The following CSGALNACT1 variants were observed in gnomAD, a reference collection of about 807,000 sequenced individuals.
The protein encoded by CSGALNACT1 is chondroitin sulfate N-acetylgalactosaminyltransferase 1, also known as beta4GalNAcT-1.
A neutral mutation model predicts 51.0 loss-of-function variants in CSGALNACT1; 52 were observed. That is an observed-to-expected ratio of 1.02 (90% CI 0.82 to 1.29). The LOEUF (loss-of-function observed/expected upper bound fraction) is 1.29. Ranked by LOEUF, CSGALNACT1 falls within the 50% of genes most tolerant of loss-of-function variation. The pLI is 0.00. For synonymous variants in CSGALNACT1, 341 were observed against 254.4 expected, an observed-to-expected ratio of 1.34 and a Z score of -3.24; for missense variants, 935 against 679.2, an observed-to-expected ratio of 1.38 and a Z score of -4.19.
intron 1 of CSGALNACT1, among the ~76,000 whole-genome samples, chr8:19,639,526 C>A (rs2056497365): frequency 1.3e-5 from 2 of 152,126 alleles, no homozygotes; most frequent in African/African-American, 4.8e-5. Context: ...CTAGGGTACC[C>A]CCATCACTCT....
chr8:19,405,943 T>G, exon 10 of CSGALNACT1: 2 of 1,614,198 alleles, frequency 1.2e-6, no homozygotes, highest in Non-Finnish European at 1.7e-6. Context: ...CATGCAGCGC[T>G]TCTCATGCCA....
chr8:19,488,471 T>G (rs2073608707), intron 4 of CSGALNACT1, among the ~76,000 whole-genome samples: 1 of 149,524 alleles, frequency 6.7e-6, no homozygotes, highest in Non-Finnish European at 1.5e-5. Flanking sequence ...CAATGTTTAC[T>G]TTTATAATTT....
At chr8:19,566,470 T>C (rs1321455921) in intron 3 of CSGALNACT1, among the ~76,000 whole-genome samples, 1 of 152,142 alleles carries the variant, frequency 6.6e-6, no homozygotes, top group Non-Finnish European at 1.5e-5. Flanking sequence ...TTATGGTCAT[T>C]TGTCACAGCA....
intron 3 of CSGALNACT1, among the ~76,000 whole-genome samples, chr8:19,558,148 T>C (rs2039885787): frequency 1.3e-5 from 2 of 152,206 alleles, no homozygotes; most frequent in Non-Finnish European, 2.9e-5. Context: ...CACCACAGAA[T>C]GTTGTGAAGC....
intron 3 of CSGALNACT1, among the ~76,000 whole-genome samples, chr8:19,572,624 C>A (rs1354459677): frequency 6.6e-6 from 1 of 152,196 alleles, no homozygotes; most frequent in Non-Finnish European, 1.5e-5. Context: ...CAAACTAATT[C>A]TATCTACCCA....
At chr8:19,744,464 G>T (rs189783683) in intron 1 of CSGALNACT1, among the ~76,000 whole-genome samples, 2 of 152,088 alleles carry the variant, frequency 1.3e-5, no homozygotes, top group East Asian at 3.8e-4. Flanking sequence ...CCTTATAATC[G>T]TTTCAGCTAG....
At chr8:19,755,456 C>CAAAAAAAAAAGAAAAAAAAAAAAAAAAAA (rs2065300449) in intron 1 of CSGALNACT1, among the ~76,000 whole-genome samples, 1 of 74,530 alleles carries the variant, frequency 1.3e-5, no homozygotes, top group Non-Finnish European at 2.5e-5. Context: ...TAAAGAAAGA[C>CAAAAAAAAAAGAAAAAAAAAAAAAAAAAA]AAAAAAAAAA....
rs982322945 is a variant in CSGALNACT1, at chr8:19,541,426, G to A, written c.-296-35296C>T. The stretch of plus-strand genomic sequence containing the variant: ...CCACCACACCCGGCTAATTTTTTTT[G>A]TATTTTTAGTAGAGATGGGGTTTCA... On this transcript the variant is annotated intron_variant, in intron 3 of 9. Coordinates refer to ENST00000454498, the Ensembl canonical transcript of CSGALNACT1. Among the ~76,000 whole-genome samples the A allele has an allele frequency of 1.7e-4, 26 of 150,884 alleles. No homozygotes were observed. The South Asian group carries it at 5.5e-3, about 32-fold the overall frequency.
chr8:19,616,794 A>C (rs2053084998), intron 1 of CSGALNACT1, among the ~76,000 whole-genome samples: 1 of 152,186 alleles, frequency 6.6e-6, no homozygotes, highest in Non-Finnish European at 1.5e-5. Context: ...AGCAGAGGCC[A>C]GTGCCATCCA....
intron 3 of CSGALNACT1, among the ~76,000 whole-genome samples, chr8:19,535,844 A>G (rs1033067120): frequency 2.0e-5 from 3 of 152,306 alleles, no homozygotes; most frequent in East Asian, 1.9e-4. Flanking sequence ...TGGATAAGGA[A>G]TATCTACAAT....
chr8:19,740,441 G>A (rs11989937), intron 1 of CSGALNACT1, among the ~76,000 whole-genome samples: 10,159 of 152,250 alleles, frequency 0.067, 1,125 homozygotes, highest in African/African-American at 0.23. Flanking sequence ...GGACAGTGAC[G>A]GGCGCACAGC....
chr8:19,561,072 T>C (rs1321261746), intron 3 of CSGALNACT1, among the ~76,000 whole-genome samples: 1 of 152,154 alleles, frequency 6.6e-6, no homozygotes, highest in Non-Finnish European at 1.5e-5. Context: ...TTATATATAA[T>C]TCAGTGATAA....
At chr8:19,515,863 G>A (rs1283322543) in intron 3 of CSGALNACT1, among the ~76,000 whole-genome samples, 1 of 152,180 alleles carries the variant, frequency 6.6e-6, no homozygotes, top group African/African-American at 2.4e-5. Context: ...GCAGGTAGTT[G>A]GCATGGGTGG....
At chr8:19,465,166 A>G (rs973355248) in intron 4 of CSGALNACT1, among the ~76,000 whole-genome samples, 2 of 152,200 alleles carry the variant, frequency 1.3e-5, no homozygotes, top group Non-Finnish European at 2.9e-5. Flanking sequence ...TTCTGCCTTA[A>G]CAAGCATGGA....
chr8:19,755,456 C>CAAAAAAAAAAAAAAAAAAAAAAAAAAAA lies in CSGALNACT1; in HGVS notation c.-297+2393_-297+2394insTTTTTTTTTTTTTTTTTTTTTTTTTTTT, dbSNP rs71205945. On this transcript the variant is annotated intron_variant, in intron 1 of 1. Transcript: ENST00000517494. ...GGGGATCCCTAAATGTAAAGAAAGACAAAAAAAAAAAAAAAAAAAAAAAAA... is the reference window on the plus strand; with the variant it reads ...GGGGATCCCTAAATGTAAAGAAAGACAAAAAAAAAAAAAAAAAAAAAAAAAAAAAAAAAAAAAAAAAAAAAAAAAAAAA... Among the ~76,000 whole-genome samples, 88 of 74,526 alleles carry CAAAAAAAAAAAAAAAAAAAAAAAAAAAA rather than the reference C, an allele frequency of 1.2e-3. 13 individuals carry two copies. Among genetic ancestry groups the CAAAAAAAAAAAAAAAAAAAAAAAAAAAA allele is most frequent in the Middle Eastern group, 8.9e-3 (1 of 112 alleles). 48.9% of individuals were successfully genotyped at this position (74,526 alleles called of 152,430 possible).
At chr8:19,646,338 T>C (rs1197888468) in intron 1 of CSGALNACT1, among the ~76,000 whole-genome samples, 3 of 152,220 alleles carry the variant, frequency 2.0e-5, no homozygotes, top group African/African-American at 4.8e-5. Flanking sequence ...CTGTGTGATT[T>C]TGCTGATCAC....
chr8:19,663,082 T>C (rs576663120), intron 1 of CSGALNACT1, among the ~76,000 whole-genome samples: 2 of 152,304 alleles, frequency 1.3e-5, no homozygotes, highest in East Asian at 3.9e-4. Context: ...GCGTTCCTCA[T>C]TAGTCATGAT....
intron 1 of CSGALNACT1, among the ~76,000 whole-genome samples, chr8:19,731,445 G>T (rs2063688231): frequency 6.6e-6 from 1 of 152,078 alleles, no homozygotes; most frequent in African/African-American, 2.4e-5. Context: ...GAGGTGGAGG[G>T]TGCAGTGAGC....
chr8:19,612,947 A>AGG (rs1491459890), intron 1 of CSGALNACT1, among the ~76,000 whole-genome samples: 5 of 49,772 alleles, frequency 1.0e-4, no homozygotes. Flanking sequence ...AAGCAGCTGG[A>AGG]AAAAAAAAAA....
Sources: gnomAD v4.1 joint callset for allele counts (sites outside exome capture counted in the v4.1 genomes callset) on GRCh38, gnomAD v4.1.1 for gene constraint, MANE v1.5 for transcripts, NCBI Gene and HGNC (gene_info 2026-07-23, HGNC 2026-07-21) for gene names.